Variants in FGF12 observed in about 807,000 individuals in gnomAD.
FGF12 encodes the protein fibroblast growth factor 12B.
Under a neutral mutation model 23.6 loss-of-function variants are expected in FGF12, and 14 were observed. That is an observed-to-expected ratio of 0.59 (90% confidence interval 0.39 to 0.93). The LOEUF is 0.93. Ranked by LOEUF, FGF12 falls within the 40% of genes least tolerant of loss-of-function variation. The probability of loss-of-function intolerance (pLI) is 0.00; values close to 1 mark genes in which losing one functional copy is unlikely to be tolerated. For missense variants in FGF12, 175 were observed against 217.8 expected, an observed-to-expected ratio of 0.80 and a Z score of 1.24; for synonymous variants, 62 against 77.3, an observed-to-expected ratio of 0.80 and a Z score of 1.04.
intron 2 of FGF12, among the ~76,000 whole-genome samples, chr3:192,414,403 CAG>C (rs1277922944): frequency 6.6e-6 from 1 of 152,162 alleles, no homozygotes; most frequent in Non-Finnish European, 1.5e-5. Flanking sequence ...AATTTATTTC[CAG>C]AGTTTCCCTT....
chr3:192,413,633 C>A (rs1721263466), intron 2 of FGF12, among the ~76,000 whole-genome samples: 1 of 152,190 alleles, frequency 6.6e-6, no homozygotes, highest in Admixed American at 6.5e-5. Context: ...ATGTATTTAA[C>A]AAAGGCTGAA....
chr3:192,648,482 ATT>A (rs10575098), intron 2 of FGF12, among the ~76,000 whole-genome samples: 72,757 of 148,654 alleles, frequency 0.49, 17,941 homozygotes, highest in Non-Finnish European at 0.54. Flanking sequence ...GACTATTTAG[ATT>A]TTTTTTTTTT....
intron 5 of FGF12, among the ~76,000 whole-genome samples, chr3:192,160,710 G>A (rs1460302105): frequency 6.6e-6 from 1 of 152,104 alleles, no homozygotes. Flanking sequence ...AGTGAAAGAC[G>A]CTTAGTAGAT....
At chr3:192,490,155 G>A (rs78825113) in intron 2 of FGF12, among the ~76,000 whole-genome samples, 9,384 of 151,888 alleles carry the variant, frequency 0.062, 987 homozygotes, top group African/African-American at 0.22. Flanking sequence ...GACTTCTAAA[G>A]AAAAGTCTCA....
chr3:192,174,733 C>T (rs1421214655), intron 4 of FGF12, among the ~76,000 whole-genome samples: 2 of 147,194 alleles, frequency 1.4e-5, no homozygotes, highest in Non-Finnish European at 3.0e-5. Context: ...CAGAGCCCTA[C>T]ACGTGGAGTA....
chr3:192,642,523 G>A (rs1384887200), intron 2 of FGF12, among the ~76,000 whole-genome samples: 1 of 152,200 alleles, frequency 6.6e-6, no homozygotes, highest in African/African-American at 2.4e-5. Context: ...AATAACTTTT[G>A]TCTCTGGCCA....
At chr3:192,181,050 TCTC>T (rs1402775551) in intron 4 of FGF12, among the ~76,000 whole-genome samples, 3 of 152,058 alleles carry the variant, frequency 2.0e-5, no homozygotes, top group Non-Finnish European at 4.4e-5. Context: ...TGTACGGAGA[TCTC>T]CTGTGGATCC....
intron 5 of FGF12, among the ~76,000 whole-genome samples, chr3:192,148,291 T>C (rs1713839384): frequency 6.6e-6 from 1 of 152,188 alleles, no homozygotes; most frequent in Non-Finnish European, 1.5e-5. Context: ...AAAAACAAAA[T>C]TCTGACACAT....
chr3:192,521,522 G>C (rs1724811645), intron 2 of FGF12: 1 of 152,090 alleles, frequency 6.6e-6, no homozygotes, highest in Non-Finnish European at 1.5e-5. Flanking sequence ...TGAATGTCAA[G>C]GAAAAAAAGC....
intron 2 of FGF12, among the ~76,000 whole-genome samples, chr3:192,512,757 C>A (rs1039297274): frequency 1.8e-4 from 26 of 147,932 alleles, no homozygotes; most frequent in Non-Finnish European, 3.3e-4. Flanking sequence ...TTCCTCTACC[C>A]CACTAAGTAA....
chr3:192,287,439 T>A (rs994147715), intron 4 of FGF12, among the ~76,000 whole-genome samples: 8 of 152,038 alleles, frequency 5.3e-5, no homozygotes, highest in Non-Finnish European at 1.0e-4. Flanking sequence ...TAACAGTCCG[T>A]GAAATTTAGC....
At chr3:192,288,843 C>CA (rs1326015045) in intron 4 of FGF12, among the ~76,000 whole-genome samples, 2 of 152,064 alleles carry the variant, frequency 1.3e-5, no homozygotes, top group Non-Finnish European at 2.9e-5. Context: ...ACTGTGCACT[C>CA]AAGATATAAA....
intron 5 of FGF12, among the ~76,000 whole-genome samples, chr3:192,160,746 T>C (rs2108603827): frequency 6.6e-6 from 1 of 152,274 alleles, no homozygotes; most frequent in Non-Finnish European, 1.5e-5. Context: ...TCCAAATGAA[T>C]ATTCCTATCT....
chr3:192,228,909 G>C (rs1052978850), intron 4 of FGF12, among the ~76,000 whole-genome samples: 1 of 152,084 alleles, frequency 6.6e-6, no homozygotes, highest in African/African-American at 2.4e-5. Context: ...TGCAGTCACA[G>C]AGTTCAATTA....
At chr3:192,640,475 G>C (rs961066072) in intron 2 of FGF12, among the ~76,000 whole-genome samples, 1 of 152,066 alleles carries the variant, frequency 6.6e-6, no homozygotes, top group African/African-American at 2.4e-5. Context: ...CTCCAACAGA[G>C]GTAGGTTATT....
chr3:192,726,443 T>G (rs1310317523), intron 2 of FGF12, among the ~76,000 whole-genome samples: 2 of 152,196 alleles, frequency 1.3e-5, no homozygotes, highest in African/African-American at 4.8e-5. Context: ...GTGGTTAGAA[T>G]AGTCGTTGTG....
chr3:192,707,806 A>T (rs1718524135), intron 2 of FGF12, among the ~76,000 whole-genome samples: 1 of 148,918 alleles, frequency 6.7e-6, no homozygotes, highest in Non-Finnish European at 1.5e-5. Context: ...TTTCTTTCTC[A>T]TTTTTAGAAA....
intron 2 of FGF12, among the ~76,000 whole-genome samples, chr3:192,580,104 C>T (rs762526271): frequency 2.0e-5 from 3 of 152,140 alleles, no homozygotes; most frequent in African/African-American, 7.2e-5. Flanking sequence ...TCAGTGCTTG[C>T]TCTTTCCTTT....
At chr3:192,702,470 A>G (rs1460747502) in intron 2 of FGF12, among the ~76,000 whole-genome samples, 1 of 152,220 alleles carries the variant, frequency 6.6e-6, no homozygotes, top group African/African-American at 2.4e-5. Context: ...ATTTAAAAAG[A>G]GAATGACTAA....
Sources: gnomAD v4.1 joint callset for allele counts (sites outside exome capture counted in the v4.1 genomes callset) on GRCh38, gnomAD v4.1.1 for gene constraint, MANE v1.5 for transcripts, NCBI Gene and HGNC (gene_info 2026-07-23, HGNC 2026-07-21) for gene names.